The following AKAP12 variants were observed in gnomAD, a reference collection of about 807,000 sequenced individuals.
AKAP12 encodes A-kinase anchor protein 12.
A neutral mutation model predicts 79.9 loss-of-function variants in AKAP12; 32 were observed. That is an observed-to-expected ratio of 0.40 (90% CI 0.30 to 0.54). AKAP12 has a LOEUF of 0.54. Among genes scored for constraint, AKAP12 ranks in the 20% least tolerant of loss-of-function variants. AKAP12 has a pLI of 0.48. For synonymous variants in AKAP12, 808 were observed against 857.0 expected (o/e 0.94, Z 1.00); for missense variants, 2,074 against 2,177.0 (o/e 0.95, Z 0.94).
At chr6:151,299,112 T>G (rs1447268679) in intron 2 of AKAP12, among the ~76,000 whole-genome samples, 1 of 152,314 alleles carries the variant, frequency 6.6e-6, no homozygotes, top group East Asian at 1.9e-4. Flanking sequence ...GAGCCTGTAG[T>G]GGCCTGCTGT....
At chr6:151,306,158 G>C (rs550375960) in intron 3 of AKAP12, among the ~76,000 whole-genome samples, 3 of 152,164 alleles carry the variant, frequency 2.0e-5, no homozygotes, top group Non-Finnish European at 4.4e-5. Flanking sequence ...CTGCTTGTCT[G>C]GAGTTGAATG....
At chr6:151,256,188 A>G (rs573196776) in intron 2 of AKAP12, among the ~76,000 whole-genome samples, 1 of 152,336 alleles carries the variant, frequency 6.6e-6, no homozygotes, top group Non-Finnish European at 1.5e-5. Context: ...ATACTGATTG[A>G]AAAATAGTCT....
At position 151,353,031 on chromosome 6, in the gene AKAP12, G is replaced by C; in HGVS notation, c.4640G>C (p.Ser1547Thr). The C allele has an allele frequency of 6.2e-7, 1 of 1,614,250 alleles. No individual in the cohort carries two copies. Among genetic ancestry groups the C allele is most frequent in the East Asian group, 2.2e-5 (1 of 44,890 alleles). The change falls in exon 4 of 5, where the codon AGT (serine) becomes ACT (threonine). Residue 1547 changes from serine (S) to threonine (T), a missense_variant. By Grantham distance (58) the Ser-to-Thr change is moderately conservative. Transcript: ENST00000402676. ...ATTTTGGAACTTGAGACCAAAAGCA[G>C]TAAACTTGTCCAAAACATCATCCAG... ...NGILELETKS[S>T]KLVQNIIQTA...
chr6:151,257,488 G>C lies in AKAP12; in HGVS notation c.162+16764G>C, dbSNP rs192089414. On this transcript the variant is annotated intron_variant, in intron 2 of 4. Coordinates refer to ENST00000402676, the MANE Select transcript of AKAP12 (RefSeq NM_005100.4). ...ATTTTTGTATTTTTAGTAGAGACAG[G>C]GTTTCACTATGTTGGCCAGACTGGT... is the stretch of plus-strand genomic sequence containing the variant. Among the ~76,000 whole-genome samples, 3 of 152,128 alleles carry C rather than the reference G, an allele frequency of 2.0e-5. No homozygotes were observed. In the East Asian group the frequency reaches 5.8e-4, roughly 29 times the overall value.
intron 2 of AKAP12, among the ~76,000 whole-genome samples, chr6:151,269,603 T>C (rs1353186810): frequency 6.6e-6 from 1 of 152,204 alleles, no homozygotes; most frequent in African/African-American, 2.4e-5. Flanking sequence ...CTGGAGCAGA[T>C]ACATTTACCC....
chr6:151,275,283 A>G (rs1337427717), intron 2 of AKAP12, among the ~76,000 whole-genome samples: 1 of 152,048 alleles, frequency 6.6e-6, no homozygotes, highest in Admixed American at 6.6e-5. Flanking sequence ...TTGAAAGGCG[A>G]GAGGTTTGCA....
chr6:151,349,754 C>T lies in AKAP12; in HGVS notation c.1363C>T (p.Gln455Ter). ...ATTGGTTGAAATGGATGCAGAACCT[C>T]AGGAAGCTGAACCTGCCAAGGAGCT... ...EELVEMDAEP[Q>*]EAEPAKELVK... Residue 455 changes from glutamine (Q) to a stop codon, truncating the protein, a stop_gained, in exon 4 of 5, where the codon CAG (glutamine) becomes TAG (stop). Transcript: ENST00000402676. LOFTEE classifies it high-confidence loss of function. 2 of 1,614,046 alleles carry T rather than the reference C, an allele frequency of 1.2e-6. No individual in the cohort carries two copies. Among genetic ancestry groups the T allele is most frequent in the Non-Finnish European group, 1.7e-6 (2 of 1,180,012 alleles).
chr6:151,254,329 A>G (rs1031379084), intron 2 of AKAP12, among the ~76,000 whole-genome samples: 4 of 151,404 alleles, frequency 2.6e-5, no homozygotes, highest in Admixed American at 6.7e-5. Context: ...GTTTAGTCTG[A>G]ACTCAGTTTG....
intron 2 of AKAP12, among the ~76,000 whole-genome samples, chr6:151,247,103 T>TTAAA (rs1797091058): frequency 6.6e-6 from 1 of 151,920 alleles, no homozygotes; most frequent in Admixed American, 6.5e-5. Context: ...CAATTAATTT[T>TTAAA]TAAAGATTTT....
intron 3 of AKAP12, 74 bp downstream of exon 3, chr6:151,305,977 G>C: frequency 3.4e-6 from 5 of 1,456,112 alleles, no homozygotes; most frequent in Non-Finnish European, 4.6e-6. Flanking sequence ...AAAATACTCT[G>C]TCATACTGCC....
At chr6:151,267,286 A>G (rs1016141912) in intron 2 of AKAP12, among the ~76,000 whole-genome samples, 1 of 152,214 alleles carries the variant, frequency 6.6e-6, no homozygotes, top group African/African-American at 2.4e-5. Flanking sequence ...AATATAGAGC[A>G]TTTTGAATAG....
chr6:151,307,521 G>GC, intron 3 of AKAP12, among the ~76,000 whole-genome samples: 1 of 152,350 alleles, frequency 6.6e-6, no homozygotes, highest in East Asian at 1.9e-4. Context: ...CCAAAGGGGT[G>GC]CCGGAGGCTT....
At chr6:151,341,044 GTTTCTTTTT>G (rs1202070312) in intron 3 of AKAP12, among the ~76,000 whole-genome samples, 2 of 139,334 alleles carry the variant, frequency 1.4e-5, no homozygotes, top group Non-Finnish European at 3.0e-5. Flanking sequence ...GTTTGTTTTT[GTTTCTTTTT>G]TTTCTTTTTT....
chr6:151,264,189 G>A (rs1184275777), intron 2 of AKAP12, among the ~76,000 whole-genome samples: 1 of 152,148 alleles, frequency 6.6e-6, no homozygotes, highest in Non-Finnish European at 1.5e-5. Flanking sequence ...CAAGATGAAA[G>A]TGGAGCAGGG....
At chr6:151,274,778 T>C (rs145766573) in intron 2 of AKAP12, among the ~76,000 whole-genome samples, 1,682 of 152,236 alleles carry the variant, frequency 0.011, 18 homozygotes, top group Non-Finnish European at 0.016. Context: ...CTCAAGGTCA[T>C]AGAAACAGTA....
At position 151,305,774 on chromosome 6, in the gene AKAP12, A is replaced by C; in HGVS notation, c.190A>C (p.Thr64Pro). ...CCTACAGAAGAATGGTCAGCTGTCC[A>C]CCATCAATGGCGTAGCTGAGCAAGA... ...KLLQKNGQLS[T>P]INGVAEQDEL... The change falls in exon 3 of 5, where the codon ACC becomes CCC. Residue 64 changes from threonine to proline, a missense_variant. By Grantham distance (38) the Thr-to-Pro change is conservative. This residue lies in a region of AKAP12 where 1,428 missense variants were observed against 1,451.0 expected (regional missense o/e 0.98). Transcript: ENST00000402676. The C allele has an allele frequency of 6.2e-7, 1 of 1,613,640 alleles. No individual in the cohort carries two copies. Among genetic ancestry groups the C allele is most frequent in the East Asian group, 2.2e-5 (1 of 44,864 alleles).
chr6:151,300,686 A>G lies in AKAP12; in HGVS notation c.163-5061A>G, dbSNP rs1479209545. ...TTGTTCTTACAGAAATGAGAGGAAA[A>G]CACTGTTGCTGGAAACATTTGAGGT... On this transcript the variant is annotated intron_variant, in intron 2 of 4. Transcript: ENST00000402676. Among the ~76,000 whole-genome samples the G allele has an allele frequency of 2.0e-5, 3 of 150,896 alleles. No homozygotes were observed. In the East Asian group the frequency reaches 5.8e-4, roughly 29 times the overall value.
At chr6:151,303,358 T>C (rs1056548229) in intron 2 of AKAP12, among the ~76,000 whole-genome samples, 1 of 152,200 alleles carries the variant, frequency 6.6e-6, no homozygotes, top group African/African-American at 2.4e-5. Flanking sequence ...GGAAATGTAA[T>C]CTGAGTATTC....
At chr6:151,310,826 T>C (rs76570860) in intron 3 of AKAP12, among the ~76,000 whole-genome samples, 6,396 of 152,272 alleles carry the variant, frequency 0.042, 434 homozygotes, top group African/African-American at 0.15. Context: ...AATGCAGTTA[T>C]TTGTTTTCTT....
Sources: allele counts gnomAD v4.1 joint callset (sites outside exome capture counted in the v4.1 genomes callset), GRCh38; gene constraint gnomAD v4.1.1; regional missense constraint gnomAD v4.1.1; transcripts MANE v1.5; gene names NCBI Gene and HGNC (gene_info 2026-07-23, HGNC 2026-07-21).